PSPH: variants seen among roughly 807,000 people sequenced by gnomAD.
PSPH encodes phosphoserine phosphatase.
PSPH carries 16 observed loss-of-function variants against 23.4 expected under a neutral mutation model. That is an observed-to-expected ratio of 0.68 (90% CI 0.46 to 1.04). PSPH has a LOEUF of 1.04. PSPH is among the 50% of genes least tolerant of loss of function. The probability of loss-of-function intolerance (pLI) is 0.00; values close to 1 mark genes in which losing one functional copy is unlikely to be tolerated. For synonymous variants in PSPH, 68 were observed against 99.7 expected, an observed-to-expected ratio of 0.68 and a Z score of 1.89; for missense variants, 223 against 273.7, an observed-to-expected ratio of 0.81 and a Z score of 1.31.
chr7:56,036,793 A>G (rs1791783755), intron 1 of PSPH, among the ~76,000 whole-genome samples: 1 of 152,186 alleles, frequency 6.6e-6, no homozygotes, highest in African/African-American at 2.4e-5. Context: ...ATAGTTGCCT[A>G]GAAGACACTA....
intron 6 of PSPH, among the ~76,000 whole-genome samples, chr7:56,016,834 C>T (rs529106730): frequency 6.6e-6 from 1 of 152,170 alleles, no homozygotes; most frequent in African/African-American, 2.4e-5. Context: ...GCCTCAGGCT[C>T]CCAAAGTTCT....
chr7:56,026,619 G>T (rs1019230712), intron 3 of PSPH, among the ~76,000 whole-genome samples: 5 of 150,696 alleles, frequency 3.3e-5, no homozygotes, highest in African/African-American at 1.2e-4. Flanking sequence ...TGGCCAACAT[G>T]GTGAAACCCT....
chr7:56,038,291 CAAAAAAAA>C (rs34887035), intron 1 of PSPH, among the ~76,000 whole-genome samples: 1 of 127,190 alleles, frequency 7.9e-6, no homozygotes, highest in Admixed American at 8.3e-5. Flanking sequence ...ACAAAAAATA[CAAAAAAAA>C]AAAAAAAAAA....
intron 1 of PSPH, among the ~76,000 whole-genome samples, chr7:56,042,297 T>TA (rs1792658458): frequency 7.1e-6 from 1 of 141,258 alleles, no homozygotes; most frequent in African/African-American, 2.6e-5. Context: ...AATACAAATA[T>TA]AGAGATTCAT....
intron 1 of PSPH, chr7:56,043,055 G>A (rs1183018244): frequency 1.3e-5 from 2 of 152,112 alleles, no homozygotes; most frequent in African/African-American, 2.4e-5. Flanking sequence ...ATCACCTGAG[G>A]TCGGGAGTTC....
intron 3 of PSPH, among the ~76,000 whole-genome samples, chr7:56,022,911 T>A (rs1199264206): frequency 6.6e-6 from 1 of 152,024 alleles, no homozygotes; most frequent in African/African-American, 2.4e-5. Flanking sequence ...AACTAAAAAT[T>A]AGCCGGGCAG....
At chr7:56,048,813 C>CTTTTTTTTTTTTTT (rs1793590713) in intron 1 of PSPH, among the ~76,000 whole-genome samples, 1 of 113,658 alleles carries the variant, frequency 8.8e-6, no homozygotes. Context: ...TTTTTTTTTG[C>CTTTTTTTTTTTTTT]TTTAAGTTCA....
chr7:56,025,884 C>T lies in PSPH; in HGVS notation c.-19-4653G>A, dbSNP rs546531272. ...TGCTGGGATTATAGGCATGAGCCAC[C>T]GCACCCGGCCTATGTCATGTGTTTT... On this transcript the variant is annotated intron_variant, in intron 3 of 7. Coordinates refer to ENST00000275605, the MANE Select transcript of PSPH (RefSeq NM_004577.4). Among the ~76,000 whole-genome samples, 4 of 152,198 alleles carry T rather than the reference C, an allele frequency of 2.6e-5. No homozygotes were observed. In the South Asian group the frequency reaches 6.2e-4, roughly 24 times the overall value.
intron 1 of PSPH, among the ~76,000 whole-genome samples, chr7:56,039,474 C>T (rs1357283950): frequency 2.6e-5 from 4 of 151,950 alleles, no homozygotes; most frequent in East Asian, 1.9e-4. Context: ...CTTATCAATA[C>T]GTTAAATACC....
chr7:56,013,652 G>A (rs1266495762), intron 7 of PSPH, among the ~76,000 whole-genome samples: 1 of 151,908 alleles, frequency 6.6e-6, no homozygotes, highest in African/African-American at 2.4e-5. Context: ...GATCATTTGA[G>A]CCCAGAAGTT....
intron 1 of PSPH, among the ~76,000 whole-genome samples, chr7:56,035,958 T>A (rs1042308957): frequency 6.6e-6 from 1 of 150,486 alleles, no homozygotes; most frequent in Non-Finnish European, 1.5e-5. Context: ...GCCGGGCACC[T>A]TGGCTCACGC....
chr7:56,033,734 T>C lies in PSPH; in HGVS notation c.-146+227A>G, dbSNP rs77025723. Among the ~76,000 whole-genome samples the C allele has an allele frequency of 1.7e-3, 254 of 152,224 alleles. 2 individuals carry two copies. The highest frequency in any genetic ancestry group is 5.5e-3 in the African/African-American group (227 of 41,550). On this transcript the variant is annotated intron_variant, in intron 2 of 7. Coordinates refer to ENST00000275605, the MANE Select transcript of PSPH (RefSeq NM_004577.4). ...GCACTAAGGGTGCTCCTGTGTAGGA[T>C]TGCATCATTCATTCATGCTGTTTGG...
chr7:56,014,415 T>C (rs1372853781), intron 7 of PSPH, among the ~76,000 whole-genome samples: 2 of 152,232 alleles, frequency 1.3e-5, no homozygotes, highest in Admixed American at 6.5e-5. Flanking sequence ...CAAAACAAGA[T>C]TGAATGTGTT....
intron 1 of PSPH, among the ~76,000 whole-genome samples, chr7:56,040,316 C>A (rs1228400452): frequency 6.6e-6 from 1 of 151,842 alleles, no homozygotes; most frequent in Non-Finnish European, 1.5e-5. Context: ...TGTCTATATC[C>A]AGGTATGATA....
At chr7:56,019,243 C>T (rs1217677219) in intron 5 of PSPH, among the ~76,000 whole-genome samples, 3 of 151,964 alleles carry the variant, frequency 2.0e-5, no homozygotes, top group Non-Finnish European at 4.4e-5. Context: ...AGAGTTCAAG[C>T]AGTGTGGTCA....
intron 1 of PSPH, among the ~76,000 whole-genome samples, chr7:56,050,437 TG>T (rs528191905): frequency 6.6e-5 from 10 of 152,150 alleles, no homozygotes; most frequent in Non-Finnish European, 1.3e-4. Context: ...GGCTAATTTT[TG>T]TATTTGTTGT....
chr7:56,011,760 T>C lies in PSPH; in HGVS notation c.*2A>G, dbSNP rs1041599440. Reference sequence around the variant, plus strand: ...TTGTTTGGAGCTGTACGACAATGGATGTTATTCTTCCAGTTCTCCCAGCAG... The same window carrying C: ...TTGTTTGGAGCTGTACGACAATGGACGTTATTCTTCCAGTTCTCCCAGCAG... On this transcript the variant is annotated 3_prime_UTR_variant, in exon 8 of 8. Transcript: ENST00000275605. The C allele has an allele frequency of 2.5e-6, 4 of 1,604,896 alleles. No individual in the cohort carries two copies. Among genetic ancestry groups the C allele is most frequent in the African/African-American group, 2.7e-5 (2 of 74,678 alleles).
intron 3 of PSPH, among the ~76,000 whole-genome samples, chr7:56,027,887 TA>T (rs11445778): frequency 0.055 from 4,091 of 74,744 alleles, 89 homozygotes; most frequent in African/African-American, 0.1. Context: ...ATTCTTTCTC[TA>T]AAAAAAAAAA....
intron 4 of PSPH, 109 bp downstream of exon 4, chr7:56,020,964 A>G: frequency 7.6e-7 from 1 of 1,320,110 alleles, no homozygotes; most frequent in Non-Finnish European, 1.1e-6. Context: ...GGAATGAAAG[A>G]AAAAGCCTAG....
Sources: gnomAD v4.1 joint callset for allele counts (sites outside exome capture counted in the v4.1 genomes callset) on GRCh38, gnomAD v4.1.1 for gene constraint, MANE v1.5 for transcripts, NCBI Gene and HGNC (gene_info 2026-07-23, HGNC 2026-07-21) for gene names.